The following CNTNAP4 variants were observed in gnomAD, a reference collection of about 807,000 sequenced individuals.
CNTNAP4 encodes the protein contactin-associated protein-like 4.
CNTNAP4 carries 98 observed loss-of-function variants against 148.4 expected under a neutral mutation model. The observed-to-expected ratio is 0.66, with a 90% CI of 0.56 to 0.78. The LOEUF (loss-of-function observed/expected upper bound fraction) is 0.78. Among genes scored for constraint, CNTNAP4 ranks in the 30% least tolerant of loss-of-function variants. The pLI, the probability that CNTNAP4 is intolerant of heterozygous loss-of-function variation, is 0.00. For missense variants in CNTNAP4, 1,935 were observed against 1,565.6 expected, an observed-to-expected ratio of 1.24 and a Z score of -3.98; for synonymous variants, 730 against 565.1, an observed-to-expected ratio of 1.29 and a Z score of -4.14.
At chr16:76,444,139 A>G (rs2080150242) in intron 4 of CNTNAP4, among the ~76,000 whole-genome samples, 1 of 152,166 alleles carries the variant, frequency 6.6e-6, no homozygotes, top group Non-Finnish European at 1.5e-5. Context: ...ATGTTAGAAT[A>G]ATATTACTAG....
Position 76,298,801 on chromosome 16 carries a change from C to A in CNTNAP4, c.86-17612C>A, listed in dbSNP as rs1027078209. 1.4e-4 allele frequency among the ~76,000 whole-genome samples: 22 copies of A among 151,962 alleles called. 2 individuals carry two copies. Among genetic ancestry groups the A allele is most frequent in the Admixed American group, 1.2e-3 (18 of 15,246 alleles). The stretch of plus-strand genomic sequence containing the variant: ...GACATTCAGTCTCTTTCTTTTTAAG[C>A]CATGGAGTGGAGCCAAACAATATGT... On this transcript the variant is annotated intron_variant, in intron 1 of 23. Transcript: ENST00000611870.
chr16:76,373,626 A>G (rs563459700), intron 3 of CNTNAP4, among the ~76,000 whole-genome samples: 2 of 152,170 alleles, frequency 1.3e-5, no homozygotes, highest in South Asian at 4.2e-4. Flanking sequence ...GCAGTGGCTC[A>G]TCTCATGCCT....
intron 7 of CNTNAP4, among the ~76,000 whole-genome samples, chr16:76,451,599 A>ATATGTGTG (rs373330383): frequency 7.1e-6 from 1 of 141,258 alleles, no homozygotes; most frequent in African/African-American, 2.6e-5. Context: ...TTTTAGATAG[A>ATATGTGTG]TGTGTGTGTG....
At chr16:76,520,839 G>A (rs1280962580) in intron 15 of CNTNAP4, among the ~76,000 whole-genome samples, 1 of 152,082 alleles carries the variant, frequency 6.6e-6, no homozygotes, top group Non-Finnish European at 1.5e-5. Flanking sequence ...CTTTGGTGGA[G>A]GATATACTAT....
chr16:76,494,418 C>T (rs1383654373), intron 13 of CNTNAP4, among the ~76,000 whole-genome samples: 5 of 151,998 alleles, frequency 3.3e-5, no homozygotes, highest in South Asian at 4.1e-4. Context: ...TCATGCCTAA[C>T]GTTTTTTAAC....
intron 3 of CNTNAP4, 120 bp from the exon 4 acceptor site, chr16:76,427,332 A>G (rs2079444625): frequency 1.5e-6 from 1 of 676,308 alleles, no homozygotes; most frequent in Non-Finnish European, 2.3e-6. Context: ...ATTTTCTTAT[A>G]GAAGGTAGCA....
chr16:76,429,418 T>C (rs1178190619), intron 4 of CNTNAP4, among the ~76,000 whole-genome samples: 1 of 152,216 alleles, frequency 6.6e-6, no homozygotes, highest in East Asian at 1.9e-4. Context: ...CTAACAGTTA[T>C]TGTGCATGTA....
chr16:76,540,816 C>T, intron 21 of CNTNAP4, 26 bp downstream of exon 21: 1 of 1,453,986 alleles, frequency 6.9e-7, no homozygotes, highest in Non-Finnish European at 9.4e-7. Flanking sequence ...AACCTTTCCC[C>T]TAACCATGCT....
At chr16:76,460,762 A>AT (rs1473818866) in intron 8 of CNTNAP4, among the ~76,000 whole-genome samples, 2 of 71,558 alleles carry the variant, frequency 2.8e-5, no homozygotes, top group African/African-American at 8.6e-5. Flanking sequence ...TCAAAAAAAA[A>AT]AAAAAAAAAA....
chr16:76,492,178 T>C (rs2082247211), intron 13 of CNTNAP4, among the ~76,000 whole-genome samples: 1 of 152,080 alleles, frequency 6.6e-6, no homozygotes, highest in African/African-American at 2.4e-5. Flanking sequence ...TCTGGAGACA[T>C]GGTATACAGA....
intron 3 of CNTNAP4, among the ~76,000 whole-genome samples, chr16:76,389,350 T>C (rs1232171600): frequency 6.6e-6 from 1 of 152,202 alleles, no homozygotes; most frequent in Non-Finnish European, 1.5e-5. Context: ...GTCAAATCAA[T>C]GTCATGGAAT....
At chr16:76,505,119 A>T (rs2082796749) in intron 15 of CNTNAP4, among the ~76,000 whole-genome samples, 1 of 152,188 alleles carries the variant, frequency 6.6e-6, no homozygotes, top group Non-Finnish European at 1.5e-5. Flanking sequence ...TTAGGATTTT[A>T]TCCAAGAAAA....
intron 1 of CNTNAP4, among the ~76,000 whole-genome samples, chr16:76,287,371 A>G (rs1219405020): frequency 6.6e-6 from 1 of 152,194 alleles, no homozygotes; most frequent in Non-Finnish European, 1.5e-5. Context: ...AACACGCAAA[A>G]CAGCCTGATT....
At chr16:76,435,999 G>T (rs1007219187) in intron 4 of CNTNAP4, among the ~76,000 whole-genome samples, 1 of 152,076 alleles carries the variant, frequency 6.6e-6, no homozygotes. Context: ...CTTTTCAAGT[G>T]TAGTGCACCT....
intron 3 of CNTNAP4, among the ~76,000 whole-genome samples, chr16:76,394,429 T>C (rs980257738): frequency 7.9e-5 from 12 of 152,136 alleles, no homozygotes; most frequent in Non-Finnish European, 1.5e-4. Flanking sequence ...AAATGGAAAA[T>C]CTTGCATTTA....
chr16:76,496,008 A>G (rs2082387463), intron 14 of CNTNAP4, among the ~76,000 whole-genome samples: 1 of 152,014 alleles, frequency 6.6e-6, no homozygotes, highest in African/African-American at 2.4e-5. Flanking sequence ...GTTGGGAAAC[A>G]TCAAGATTAT....
intron 10 of CNTNAP4, among the ~76,000 whole-genome samples, chr16:76,474,236 C>T (rs1041443836): frequency 6.6e-6 from 1 of 152,158 alleles, no homozygotes; most frequent in African/African-American, 2.4e-5. Flanking sequence ...GCTTACATTT[C>T]AAAGGGGTGA....
chr16:76,418,006 G>A (rs939028707), intron 3 of CNTNAP4, among the ~76,000 whole-genome samples: 4 of 151,534 alleles, frequency 2.6e-5, no homozygotes, highest in Admixed American at 2.0e-4. Context: ...GCTACCTTTC[G>A]ATGCCCTCTG....
At chr16:76,375,069 A>G (rs1204286414) in intron 3 of CNTNAP4, among the ~76,000 whole-genome samples, 1 of 151,480 alleles carries the variant, frequency 6.6e-6, no homozygotes, top group Admixed American at 6.6e-5. Context: ...ACGCCCGGCC[A>G]GCAGAACTTT....
Sources: gnomAD v4.1 joint callset for allele counts (sites outside exome capture counted in the v4.1 genomes callset) on GRCh38, gnomAD v4.1.1 for gene constraint, MANE v1.5 for transcripts, NCBI Gene and HGNC (gene_info 2026-07-23, HGNC 2026-07-21) for gene names.